CTNND2: variants seen among roughly 807,000 people sequenced by gnomAD.
CTNND2 encodes catenin delta 2, also known as catenin delta-2.
Under a neutral mutation model 144.4 loss-of-function variants are expected in CTNND2, and 22 were observed. That is an observed-to-expected ratio of 0.15 (90% CI 0.11 to 0.22). The LOEUF is 0.22. CTNND2 is among the 10% of genes least tolerant of loss of function. CTNND2 has a pLI of 1.00. For missense variants in CTNND2, 1,353 were observed against 1,618.8 expected, an observed-to-expected ratio of 0.84 and a Z score of 2.82; for synonymous variants, 751 against 695.6, an observed-to-expected ratio of 1.08 and a Z score of -1.25.
intron 7 of CTNND2, among the ~76,000 whole-genome samples, chr5:11,377,936 A>C (rs531573681): frequency 4.9e-4 from 75 of 152,206 alleles, no homozygotes; most frequent in Non-Finnish European, 9.1e-4. Context: ...CTGGACCCGT[A>C]GGCAGATGAA....
chr5:11,543,155 G>A (rs1257690286), intron 3 of CTNND2, among the ~76,000 whole-genome samples: 2 of 152,138 alleles, frequency 1.3e-5, no homozygotes, highest in Non-Finnish European at 2.9e-5. Flanking sequence ...AGTTATTCAA[G>A]GGCAACCAAT....
chr5:10,987,431 G>A (rs963901026), intron 20 of CTNND2, among the ~76,000 whole-genome samples: 1 of 152,202 alleles, frequency 6.6e-6, no homozygotes, highest in Non-Finnish European at 1.5e-5. Flanking sequence ...TGGCTGATGA[G>A]AAAGGAAGGC....
Position 11,397,072 on chromosome 5 carries a change from G to A in CTNND2, c.571C>T (p.Arg191Ter). 6.2e-7 allele frequency: 1 copy of A among 1,613,916 alleles called. No individual in the cohort carries two copies. Among genetic ancestry groups the A allele is most frequent in the Non-Finnish European group, 8.5e-7 (1 of 1,180,014 alleles). The change falls in exon 6 of 22, where the codon CGA becomes TGA. Residue 191 changes from arginine (R) to a stop codon, truncating the protein, a stop_gained. Coordinates refer to ENST00000304623, the MANE Select transcript of CTNND2 (RefSeq NM_001332.4). LOFTEE classifies it high-confidence loss of function. Reference sequence around the variant, plus strand: ...CCCGTAGCTCGGGCTTGTGTGCCTCGGGCCGGGAGCTGTGAAGGGGTGGTT... The same window carrying A: ...CCCGTAGCTCGGGCTTGTGTGCCTCAGGCCGGGAGCTGTGAAGGGGTGGTT... ...GETTPSQLPA[R>*]GTQARATGQS...
rs779494458 is a variant in CTNND2, at chr5:11,346,558, G to C, written c.1442C>G (p.Ala481Gly). Residue 481 changes from alanine (A) to glycine (G), a missense_variant, in exon 9 of 22, where the codon GCC (alanine) becomes GGC (glycine). By Grantham distance (60) the Ala-to-Gly change is moderately conservative (BLOSUM62 0). This residue lies in a region of CTNND2 where 708 missense variants were observed against 706.4 expected (regional missense o/e 1.00). Coordinates refer to ENST00000304623, the MANE Select transcript of CTNND2 (RefSeq NM_001332.4). ...GGCCCTCTGGAAGGTGGCCGCGGCG[G>C]CATTCTGTGGGCCGTGCTGGCTGCC... ...RTGSQHGPQNAAAATFQRASY... is the reference protein window; with the variant it reads ...RTGSQHGPQNGAAATFQRASY... 6.9e-6 allele frequency: 11 copies of C among 1,602,702 alleles called. No homozygotes were observed. Among genetic ancestry groups the C allele is most frequent in the Non-Finnish European group, 9.4e-6 (11 of 1,174,788 alleles).
intron 1 of CTNND2, among the ~76,000 whole-genome samples, chr5:11,820,029 G>A (rs1793227496): frequency 6.6e-6 from 1 of 152,132 alleles, no homozygotes; most frequent in Non-Finnish European, 1.5e-5. Context: ...AGTAGACACA[G>A]GGTCACATGT....
intron 11 of CTNND2, among the ~76,000 whole-genome samples, chr5:11,169,265 T>A (rs971074124): frequency 9.8e-5 from 15 of 152,300 alleles, no homozygotes; most frequent in African/African-American, 3.6e-4. Flanking sequence ...AAGGGAGCAT[T>A]TTAGATCCAC....
At chr5:11,150,560 G>A (rs1053570783) in intron 12 of CTNND2, among the ~76,000 whole-genome samples, 1 of 150,446 alleles carries the variant, frequency 6.6e-6, no homozygotes, top group African/African-American at 2.4e-5. Flanking sequence ...ATAGCATCCA[G>A]CTCTGCATGC....
At chr5:11,255,081 T>C (rs541719725) in intron 9 of CTNND2, among the ~76,000 whole-genome samples, 6 of 152,370 alleles carry the variant, frequency 3.9e-5, no homozygotes, top group African/African-American at 1.4e-4. Flanking sequence ...TTGTGTCATC[T>C]ATGAGTTTTT....
At chr5:11,879,913 C>T (rs1167895667) in intron 1 of CTNND2, among the ~76,000 whole-genome samples, 6 of 152,100 alleles carry the variant, frequency 3.9e-5, no homozygotes, top group Admixed American at 6.5e-5. Flanking sequence ...CTCGGCCTGA[C>T]GAAATAGGGA....
At chr5:11,774,483 T>C (rs1032658034) in intron 1 of CTNND2, among the ~76,000 whole-genome samples, 1 of 142,674 alleles carries the variant, frequency 7.0e-6, no homozygotes, top group Non-Finnish European at 1.5e-5. Flanking sequence ...CGCACCAGCA[T>C]GGCACATGTA....
At chr5:11,618,138 A>G (rs1223425728) in intron 2 of CTNND2, among the ~76,000 whole-genome samples, 2 of 151,358 alleles carry the variant, frequency 1.3e-5, no homozygotes, top group Admixed American at 1.3e-4. Context: ...TACTTGTGTC[A>G]TGATGTCCAT....
chr5:10,996,075 A>G (rs1470462229), intron 18 of CTNND2, among the ~76,000 whole-genome samples: 1 of 152,086 alleles, frequency 6.6e-6, no homozygotes, highest in Non-Finnish European at 1.5e-5. Context: ...GGGGTGCCGG[A>G]CAGGGCTGGA....
At chr5:11,484,286 C>A (rs151000221) in intron 3 of CTNND2, among the ~76,000 whole-genome samples, 108 of 152,294 alleles carry the variant, frequency 7.1e-4, no homozygotes, top group African/African-American at 2.5e-3. Context: ...AGAGTCTGTC[C>A]ATCATGTTAC....
intron 2 of CTNND2, among the ~76,000 whole-genome samples, chr5:11,565,557 C>T (rs548271058): frequency 6.6e-6 from 1 of 151,692 alleles, no homozygotes; most frequent in East Asian, 1.9e-4. Context: ...GAAAATAATG[C>T]TTTATAACCC....
chr5:11,571,421 C>T (rs765846726), intron 2 of CTNND2, among the ~76,000 whole-genome samples: 4 of 152,080 alleles, frequency 2.6e-5, no homozygotes, highest in Admixed American at 1.3e-4. Context: ...GCTCTTTTTC[C>T]GCAAAGCTAA....
intron 2 of CTNND2, among the ~76,000 whole-genome samples, chr5:11,640,521 A>G (rs918595333): frequency 3.9e-5 from 6 of 152,224 alleles, no homozygotes; most frequent in African/African-American, 1.4e-4. Flanking sequence ...ACCAACAACA[A>G]TAACAAATAG....
At position 11,564,975 on chromosome 5, in the gene CTNND2, C is replaced by T. The variant is rs763519304; in HGVS notation, c.256G>A (p.Gly86Arg). The T allele has an allele frequency of 8.1e-6, 13 of 1,614,012 alleles. No individual in the cohort carries two copies. The Admixed American group carries it at 8.3e-5, about 10-fold the overall frequency. The change falls in exon 3 of 22, where the codon GGA becomes AGA. Residue 86 changes from glycine (G) to arginine (R), a missense_variant. Coordinates refer to ENST00000304623, the MANE Select transcript of CTNND2 (RefSeq NM_001332.4). ...CTGCTCATGCTGCCAGTCTCGGATC[C>T]GAGCTTGCATCGCTCCAGCTGGCTG... Reference protein sequence around the residue: ...VASQLERCKLGSETGSMSSMS... With the variant: ...VASQLERCKLRSETGSMSSMS...
At chr5:11,851,897 T>C (rs1427416518) in intron 1 of CTNND2, among the ~76,000 whole-genome samples, 1 of 152,246 alleles carries the variant, frequency 6.6e-6, no homozygotes, top group Non-Finnish European at 1.5e-5. Context: ...GTCGATGCTT[T>C]CTAGAAAAGG....
intron 3 of CTNND2, among the ~76,000 whole-genome samples, chr5:11,489,315 T>G (rs1769162147): frequency 6.6e-6 from 1 of 152,206 alleles, no homozygotes; most frequent in South Asian, 2.1e-4. Context: ...AACATCCATG[T>G]GCTTAGTTGG....
Sources: gnomAD v4.1 joint callset for allele counts (sites outside exome capture counted in the v4.1 genomes callset) on GRCh38, gnomAD v4.1.1 for gene constraint, gnomAD v4.1.1 regional missense constraint, MANE v1.5 for transcripts, NCBI Gene and HGNC (gene_info 2026-07-23, HGNC 2026-07-21) for gene names.